The following ATRNL1 variants were observed in gnomAD, a reference collection of about 807,000 sequenced individuals.
ATRNL1 encodes attractin-like protein 1.
ATRNL1 carries 95 observed loss-of-function variants against 182.7 expected under a neutral mutation model. The ratio of observed to expected loss-of-function variants is 0.52; its 90% CI spans 0.44 to 0.62. The LOEUF is 0.62. ATRNL1 is among the 20% of genes least tolerant of loss of function. ATRNL1 has a pLI of 0.00. For missense variants in ATRNL1, 1,471 were observed against 1,679.5 expected (o/e 0.88, Z 2.17); for synonymous variants, 576 against 568.3 (o/e 1.01, Z -0.19).
intron 21 of ATRNL1, among the ~76,000 whole-genome samples, chr10:115,446,403 T>C (rs1846990479): frequency 6.6e-6 from 1 of 152,036 alleles, no homozygotes; most frequent in African/African-American, 2.4e-5. Context: ...TTAGCTCTCT[T>C]TTTATTGTAA....
intron 5 of ATRNL1, among the ~76,000 whole-genome samples, chr10:115,156,160 A>G (rs555137276): frequency 4.6e-5 from 7 of 152,248 alleles, no homozygotes; most frequent in African/African-American, 1.2e-4. Flanking sequence ...AGGTACATCT[A>G]CTTACCAACA....
At chr10:115,589,470 A>G (rs946106992) in intron 26 of ATRNL1, among the ~76,000 whole-genome samples, 1 of 152,176 alleles carries the variant, frequency 6.6e-6, no homozygotes, top group African/African-American at 2.4e-5. Flanking sequence ...TATAGGAACT[A>G]TATTTCAGTA....
At chr10:115,385,217 C>T (rs1554952273) in intron 19 of ATRNL1, among the ~76,000 whole-genome samples, 2 of 152,016 alleles carry the variant, frequency 1.3e-5, no homozygotes, top group African/African-American at 4.8e-5. Context: ...CATTTAGTGT[C>T]GTCAACCTTT....
intron 25 of ATRNL1, among the ~76,000 whole-genome samples, chr10:115,527,489 A>G (rs181591158): frequency 1.0e-3 from 134 of 128,572 alleles, no homozygotes; most frequent in African/African-American, 2.9e-3. Flanking sequence ...GAACTGACCT[A>G]TAAAACCTGT....
chr10:115,732,968 TCTAAATTGCTATA>T lies in ATRNL1; in HGVS notation c.3903+5614_3903+5626del, dbSNP rs537955882. ...GAATTCCAGCAGTTATCCATTGTAA[TCTAAATTGCTATA>T]AAGAAATCAAAGTGACTTACTAAAC... On this transcript the variant is annotated intron_variant, in intron 27 of 28. Transcript: ENST00000355044. 9.8e-5 allele frequency among the ~76,000 whole-genome samples: 15 copies of T among 152,290 alleles called. No individual in the cohort carries two copies. The South Asian group carries it at 3.1e-3, about 32-fold the overall frequency.
intron 26 of ATRNL1, among the ~76,000 whole-genome samples, chr10:115,578,167 G>A (rs1422295226): frequency 6.6e-6 from 1 of 151,732 alleles, no homozygotes; most frequent in Non-Finnish European, 1.5e-5. Context: ...GTTTTTTGTT[G>A]AAGATGTTTG....
intron 26 of ATRNL1, among the ~76,000 whole-genome samples, chr10:115,594,190 G>A (rs2769401): frequency 0.48 from 72,354 of 151,806 alleles, 18,701 homozygotes; most frequent in East Asian, 0.84. Flanking sequence ...AAAAGCAATA[G>A]TACTTCAAGA....
intron 28 of ATRNL1, among the ~76,000 whole-genome samples, chr10:115,879,312 A>AAAAAAAAAAAAAAG (rs781983949): frequency 4.6e-5 from 7 of 150,754 alleles, no homozygotes; most frequent in Non-Finnish European, 7.4e-5. Flanking sequence ...TCTCAAAAAA[A>AAAAAAAAAAAAAAG]AAAGAAAGAA....
intron 20 of ATRNL1, among the ~76,000 whole-genome samples, chr10:115,425,475 C>G (rs1222310661): frequency 1.3e-5 from 2 of 151,950 alleles, no homozygotes; most frequent in Non-Finnish European, 2.9e-5. Flanking sequence ...TGCTATATCT[C>G]TATTAGACAT....
intron 26 of ATRNL1, among the ~76,000 whole-genome samples, chr10:115,591,532 A>G (rs1229627539): frequency 1.3e-5 from 2 of 152,198 alleles, no homozygotes; most frequent in Admixed American, 1.3e-4. Flanking sequence ...TTCTATCTTT[A>G]TCATACAAGA....
chr10:115,654,586 C>T (rs944208016), intron 26 of ATRNL1, among the ~76,000 whole-genome samples: 1 of 152,034 alleles, frequency 6.6e-6, no homozygotes, highest in Non-Finnish European at 1.5e-5. Flanking sequence ...TTAATGGTTG[C>T]CTTTTACATT....
At chr10:115,306,156 A>G (rs1853717477) in intron 17 of ATRNL1, among the ~76,000 whole-genome samples, 1 of 152,134 alleles carries the variant, frequency 6.6e-6, no homozygotes, top group South Asian at 2.1e-4. Flanking sequence ...TTGGTGGTAT[A>G]ACACACATAA....
At chr10:115,292,752 T>C (rs536173542) in intron 15 of ATRNL1, among the ~76,000 whole-genome samples, 1 of 152,230 alleles carries the variant, frequency 6.6e-6, no homozygotes, top group African/African-American at 2.4e-5. Context: ...TTTTAAAAAT[T>C]TGTTGATATT....
At chr10:115,238,687 G>T (rs1554902100) in intron 9 of ATRNL1, among the ~76,000 whole-genome samples, 1 of 151,964 alleles carries the variant, frequency 6.6e-6, no homozygotes, top group Non-Finnish European at 1.5e-5. Context: ...CATATCATTT[G>T]TGAAAAAATA....
chr10:115,515,731 A>G (rs75827861), intron 24 of ATRNL1, among the ~76,000 whole-genome samples: 428 of 151,732 alleles, frequency 2.8e-3, no homozygotes, highest in Non-Finnish European at 4.5e-3. Context: ...TTCTCCTTAT[A>G]TTATTCTGTT....
At chr10:115,617,321 A>G (rs1927480) in intron 26 of ATRNL1, among the ~76,000 whole-genome samples, 71,200 of 151,922 alleles carry the variant, frequency 0.47, 18,448 homozygotes, top group East Asian at 0.84. Context: ...CAGTGCCTAT[A>G]ACCCCTTTGT....
chr10:115,356,945 T>C (rs576328293), intron 19 of ATRNL1, among the ~76,000 whole-genome samples: 3 of 151,954 alleles, frequency 2.0e-5, no homozygotes, highest in Non-Finnish European at 2.9e-5. Context: ...GTTTCAGTTC[T>C]GTAGGTAGAA....
intron 24 of ATRNL1, among the ~76,000 whole-genome samples, chr10:115,473,211 A>G (rs553964580): frequency 1.3e-4 from 20 of 151,380 alleles, no homozygotes; most frequent in African/African-American, 4.1e-4. Flanking sequence ...ATGTTTTATG[A>G]TACTTATAAT....
chr10:115,823,855 A>G (rs1202531026), intron 27 of ATRNL1, among the ~76,000 whole-genome samples: 2 of 152,216 alleles, frequency 1.3e-5, no homozygotes, highest in Non-Finnish European at 2.9e-5. Context: ...ATACTGCCCA[A>G]AGTAATTTGT....
Sources: allele counts gnomAD v4.1 joint callset (sites outside exome capture counted in the v4.1 genomes callset), GRCh38; gene constraint gnomAD v4.1.1; transcripts MANE v1.5; gene names NCBI Gene and HGNC (gene_info 2026-07-23, HGNC 2026-07-21).